The following MYO1E variants were observed in gnomAD, a reference collection of about 807,000 sequenced individuals.
The protein encoded by MYO1E is myosin IE.
A neutral mutation model predicts 151.1 loss-of-function variants in MYO1E; 68 were observed. The observed-to-expected ratio is 0.45, with a 90% CI of 0.37 to 0.55. MYO1E has a LOEUF of 0.55. Ranked by LOEUF, MYO1E falls within the 20% of genes least tolerant of loss-of-function variation. MYO1E has a pLI of 0.00. For synonymous variants in MYO1E, 601 were observed against 501.7 expected, an observed-to-expected ratio of 1.20 and a Z score of -2.64; for missense variants, 1,363 against 1,389.3, an observed-to-expected ratio of 0.98 and a Z score of 0.30.
At chr15:59,210,391 T>C (rs1202903309) in intron 13 of MYO1E, 123 bp downstream of exon 13, 1 of 742,448 alleles carries the variant, frequency 1.3e-6, no homozygotes, top group Non-Finnish European at 2.4e-6. Flanking sequence ...CTAGTACAAT[T>C]GCTCAAATTC....
intron 4 of MYO1E, among the ~76,000 whole-genome samples, chr15:59,252,596 TC>T (rs767628956): frequency 1.2e-4 from 18 of 151,834 alleles, no homozygotes; most frequent in Non-Finnish European, 2.6e-4. Context: ...GTGCCTGTAA[TC>T]CCAGCTACTC....
chr15:59,265,491 G>A (rs970207944), intron 2 of MYO1E, among the ~76,000 whole-genome samples: 5 of 149,450 alleles, frequency 3.3e-5, no homozygotes, highest in Middle Eastern at 3.4e-3. Context: ...TGGTTAAGGA[G>A]ATATTCAGGA....
Position 59,319,550 on chromosome 15 carries a change from C to CTTTTTTTTTTTTTTTTTTTTTTTT in MYO1E, c.4-47125_4-47102dup, listed in dbSNP as rs59491381. 3.9e-4 allele frequency among the ~76,000 whole-genome samples: 25 copies of CTTTTTTTTTTTTTTTTTTTTTTTT among 63,722 alleles called. 2 individuals carry two copies. The highest frequency in any genetic ancestry group is 6.1e-4 in the Non-Finnish European group (17 of 27,752). The allele number at this position is 63,722 out of a possible 152,430, so 41.8% of individuals were successfully genotyped here. Reference sequence around the variant, plus strand: ...AAGATAGGAAAAGAAGTCAAACTACCTTTTTTTTTTTTTTTTTTTTTTTTT... The same window carrying CTTTTTTTTTTTTTTTTTTTTTTTT: ...AAGATAGGAAAAGAAGTCAAACTACCTTTTTTTTTTTTTTTTTTTTTTTTTTTTTTTTTTTTTTTTTTTTTTTTT... On this transcript the variant is annotated intron_variant, in intron 1 of 27. Transcript: ENST00000288235.
At chr15:59,162,199 C>T (rs1480965092) in intron 23 of MYO1E, among the ~76,000 whole-genome samples, 2 of 152,064 alleles carry the variant, frequency 1.3e-5, no homozygotes, top group African/African-American at 4.8e-5. Context: ...CCATACTCGG[C>T]TAATTTTTTT....
chr15:59,278,976 G>C (rs547401363), intron 1 of MYO1E, among the ~76,000 whole-genome samples: 11 of 152,182 alleles, frequency 7.2e-5, no homozygotes, highest in Non-Finnish European at 1.3e-4. Flanking sequence ...GTGCACTGAG[G>C]GGGTGGCACG....
Position 59,227,544 on chromosome 15 carries a change from C to T in MYO1E, c.557G>A (p.Gly186Asp). 6.2e-7 allele frequency: 1 copy of T among 1,614,190 alleles called. No individual in the cohort carries two copies. Among genetic ancestry groups the T allele is most frequent in the Non-Finnish European group, 8.5e-7 (1 of 1,180,004 alleles). The stretch of plus-strand genomic sequence containing the variant: ...CAGAAGGAAGTTGGAGATCTTTCCA[C>T]CATCTGGTTCCCCACCTGGACTGAA... ...IQFSPGGEPD[G>D]GKISNFLLEK... is the part of the protein sequence containing the mutation. The change falls in exon 7 of 28, where the codon GGT becomes GAT. Residue 186 changes from glycine (G) to aspartate (D), a missense_variant. Gly to Asp is a moderately conservative substitution (Grantham distance 94, BLOSUM62 -1). Transcript: ENST00000288235.
At chr15:59,171,819 C>T (rs2079596393) in intron 22 of MYO1E, 78 bp downstream of exon 22, 6 of 1,594,954 alleles carry the variant, frequency 3.8e-6, no homozygotes, top group Non-Finnish European at 5.2e-6. Flanking sequence ...CCCGGCCTTC[C>T]TCCTGGCTGT....
intron 7 of MYO1E, among the ~76,000 whole-genome samples, chr15:59,227,135 C>T (rs2079996910): frequency 6.6e-6 from 1 of 152,234 alleles, no homozygotes; most frequent in South Asian, 2.1e-4. Flanking sequence ...GGCTCTACCT[C>T]CTTCACACCT....
rs1176766784 is a variant in MYO1E, at chr15:59,242,498, T to C, written c.333-5826A>G. Among the ~76,000 whole-genome samples the C allele has an allele frequency of 3.3e-5, 5 of 152,182 alleles. No homozygotes were observed. In the East Asian group the frequency reaches 7.7e-4, roughly 23 times the overall value. ...ATAATTCCATAGTGCCATACGAAAG[T>C]AAACGAGTCAATCAGTAAATAGGAG... On this transcript the variant is annotated intron_variant, in intron 4 of 27. Transcript: ENST00000288235.
chr15:59,196,846 TG>T (rs1339745971), intron 16 of MYO1E, among the ~76,000 whole-genome samples: 2 of 152,152 alleles, frequency 1.3e-5, no homozygotes, highest in Non-Finnish European at 2.9e-5. Flanking sequence ...ACAAATTTGA[TG>T]ATTTTTGCAA....
chr15:59,221,662 A>T (rs1390845792), intron 9 of MYO1E, among the ~76,000 whole-genome samples: 35 of 152,244 alleles, frequency 2.3e-4, no homozygotes, highest in African/African-American at 7.0e-4. Context: ...CATCGCCTCT[A>T]GTCAGGGAAT....
intron 1 of MYO1E, among the ~76,000 whole-genome samples, chr15:59,335,903 A>G (rs2080725617): frequency 6.6e-6 from 1 of 151,996 alleles, no homozygotes; most frequent in Non-Finnish European, 1.5e-5. Context: ...GTCTGCACAC[A>G]CTTGTTCTGA....
chr15:59,367,191 G>C (rs2080919394), intron 1 of MYO1E, among the ~76,000 whole-genome samples: 1 of 152,142 alleles, frequency 6.6e-6, no homozygotes, highest in Admixed American at 6.5e-5. Flanking sequence ...CCCACACTTG[G>C]CTCATGAGGA....
intron 3 of MYO1E, among the ~76,000 whole-genome samples, chr15:59,258,957 T>A (rs2080209912): frequency 6.6e-6 from 1 of 151,842 alleles, no homozygotes; most frequent in South Asian, 2.1e-4. Context: ...CTCTCTTGTT[T>A]TTTTTTGTTT....
At chr15:59,172,865 T>TG (rs1304864172) in intron 21 of MYO1E, among the ~76,000 whole-genome samples, 1 of 152,274 alleles carries the variant, frequency 6.6e-6, no homozygotes, top group Admixed American at 6.5e-5. Flanking sequence ...AGCACCCCTG[T>TG]GTGCATCCAG....
At chr15:59,324,301 A>AT (rs2080648283) in intron 1 of MYO1E, among the ~76,000 whole-genome samples, 1 of 152,204 alleles carries the variant, frequency 6.6e-6, no homozygotes, top group East Asian at 1.9e-4. Context: ...ATGTTTTCAA[A>AT]TTAAAAAAAA....
intron 1 of MYO1E, among the ~76,000 whole-genome samples, chr15:59,371,878 G>A (rs1394002344): frequency 6.6e-6 from 1 of 151,366 alleles, no homozygotes; most frequent in African/African-American, 2.4e-5. Context: ...ACAGCCCGCC[G>A]GCCGCCAGGT....
chr15:59,279,205 G>A (rs1300341001), intron 1 of MYO1E, among the ~76,000 whole-genome samples: 1 of 151,908 alleles, frequency 6.6e-6, no homozygotes, highest in Admixed American at 6.6e-5. Context: ...CAATATCATC[G>A]TTAAGTCCAA....
rs572897899 is a variant in MYO1E, at chr15:59,314,180, C to T, written c.4-41731G>A. On this transcript the variant is annotated intron_variant, in intron 1 of 27. Transcript: ENST00000288235. Reference sequence around the variant, plus strand: ...GGGCTCCAGAATCCTTTCTCTACCTCGCTATGTGCACTTAGGCAGCCACTT... The same window carrying T: ...GGGCTCCAGAATCCTTTCTCTACCTTGCTATGTGCACTTAGGCAGCCACTT... 8.5e-5 allele frequency among the ~76,000 whole-genome samples: 13 copies of T among 152,328 alleles called. No homozygotes were observed. In the East Asian group the frequency reaches 1.4e-3, roughly 16 times the overall value.
Sources: gnomAD v4.1 joint callset for allele counts (sites outside exome capture counted in the v4.1 genomes callset) on GRCh38, gnomAD v4.1.1 for gene constraint, MANE v1.5 for transcripts, NCBI Gene and HGNC (gene_info 2026-07-23, HGNC 2026-07-21) for gene names.